Variants in ACOT13 observed in about 807,000 individuals in gnomAD.
ACOT13 encodes the protein acyl-coenzyme A thioesterase 13.
Under a neutral mutation model 11.8 loss-of-function variants are expected in ACOT13, and 10 were observed. The observed-to-expected ratio is 0.85, with a 90% CI of 0.53 to 1.44. The LOEUF (loss-of-function observed/expected upper bound fraction) is 1.44. ACOT13 is among the 40% of genes most tolerant of loss of function. The pLI is 0.00. For synonymous variants in ACOT13, 53 were observed against 61.0 expected, an observed-to-expected ratio of 0.87 and a Z score of 0.61; for missense variants, 172 against 174.1, an observed-to-expected ratio of 0.99 and a Z score of 0.07.
intron 1 of ACOT13, among the ~76,000 whole-genome samples, chr6:24,682,699 C>T (rs1037243599): frequency 2.6e-5 from 4 of 150,966 alleles, no homozygotes; most frequent in Admixed American, 6.6e-5. Flanking sequence ...GGCGGGTCTG[C>T]GATGGCGGCA....
At position 24,703,379 on chromosome 6, in the gene ACOT13, C is replaced by G. The variant is rs1778928567; in HGVS notation, c.*1764C>G. The G allele has an allele frequency of 6.6e-6, 1 of 151,920 alleles. No individual in the cohort carries two copies. The highest frequency in any genetic ancestry group is 1.5e-5 in the Non-Finnish European group (1 of 67,940). 9.4% of individuals were successfully genotyped at this position (151,920 alleles called of 1,614,324 possible). ...TAGCAGCAGTGAGCATACAGGAGTC[C>G]CAGATGTTTACTTCTAGTATTTCCC... is the stretch of plus-strand genomic sequence containing the variant. On this transcript the variant is annotated 3_prime_UTR_variant, in exon 3 of 3. Coordinates refer to ENST00000230048, the MANE Select transcript of ACOT13 (RefSeq NM_018473.4).
At chr6:24,695,170 A>C (rs1165573870) in intron 1 of ACOT13, among the ~76,000 whole-genome samples, 1 of 152,080 alleles carries the variant, frequency 6.6e-6, no homozygotes, top group Admixed American at 6.6e-5. Flanking sequence ...TTAGCCAGGC[A>C]TGGTGGCACG....
At chr6:24,698,900 G>A (rs1344611976) in intron 2 of ACOT13, among the ~76,000 whole-genome samples, 1 of 152,098 alleles carries the variant, frequency 6.6e-6, no homozygotes, top group Non-Finnish European at 1.5e-5. Context: ...GCCTCCCAAA[G>A]TGTTGAGTTT....
chr6:24,691,286 C>T (rs1360157428), intron 1 of ACOT13, among the ~76,000 whole-genome samples: 1 of 152,144 alleles, frequency 6.6e-6, no homozygotes, highest in African/African-American at 2.4e-5. Context: ...CTTACTGAGC[C>T]AGAGACATAC....
Position 24,703,965 on chromosome 6 carries a change from G to C in ACOT13, c.*2350G>C, listed in dbSNP as rs1778942563. 1 of 152,152 alleles carries C rather than the reference G, an allele frequency of 6.6e-6. No homozygotes were observed. Among genetic ancestry groups the C allele is most frequent in the African/African-American group, 2.4e-5 (1 of 41,434 alleles). The allele number at this position is 152,152 out of a possible 1,614,324, so 9.4% of individuals were successfully genotyped here. On this transcript the variant is annotated 3_prime_UTR_variant, in exon 3 of 3. Coordinates refer to ENST00000230048, the MANE Select transcript of ACOT13 (RefSeq NM_018473.4). ...AGGTCATGGAACACATAAAGGCTAAGGAACTGTTCCACATTAAAGACAACT... is the reference window on the plus strand; with the variant it reads ...AGGTCATGGAACACATAAAGGCTAACGAACTGTTCCACATTAAAGACAACT...
chr6:24,676,078 T>C (rs1308841193), intron 1 of ACOT13, among the ~76,000 whole-genome samples: 2 of 152,254 alleles, frequency 1.3e-5, no homozygotes, highest in South Asian at 2.1e-4. Flanking sequence ...GTTCCATTGG[T>C]CTATATCTCT....
At chr6:24,692,944 GGT>G (rs1174258754) in intron 1 of ACOT13, among the ~76,000 whole-genome samples, 69 of 152,286 alleles carry the variant, frequency 4.5e-4, no homozygotes, top group African/African-American at 1.6e-3. Context: ...GTTGAACCAT[GGT>G]ACTTTTATAG....
chr6:24,688,226 A>G (rs1778665144), intron 1 of ACOT13, among the ~76,000 whole-genome samples: 1 of 152,084 alleles, frequency 6.6e-6, no homozygotes, highest in Non-Finnish European at 1.5e-5. Flanking sequence ...AATTTGTTGC[A>G]GCATTATTTG....
chr6:24,701,353 C>G (rs1434530939), intron 2 of ACOT13, 106 bp from the exon 3 acceptor site: 11 of 1,024,148 alleles, frequency 1.1e-5, no homozygotes, highest in Admixed American at 8.4e-5. Flanking sequence ...ACCGTTAAAA[C>G]TATTTTTAGG....
At chr6:24,669,018 C>G (rs1778312751) in intron 1 of ACOT13, among the ~76,000 whole-genome samples, 2 of 152,196 alleles carry the variant, frequency 1.3e-5, no homozygotes, top group South Asian at 4.1e-4. Context: ...GGTTCCCTGC[C>G]TCCAGATCCG....
intron 1 of ACOT13, among the ~76,000 whole-genome samples, chr6:24,692,563 A>G (rs925444167): frequency 9.2e-5 from 14 of 151,926 alleles, no homozygotes; most frequent in Non-Finnish European, 5.9e-5. Flanking sequence ...GACTGCAGGC[A>G]CATGCCACCA....
In ACOT13 at chr6:24,701,745, C is replaced by T. The variant is rs557689899; in HGVS notation, c.*130C>T. 5.9e-5 allele frequency: 57 copies of T among 964,290 alleles called. No individual in the cohort carries two copies. The highest frequency in any genetic ancestry group is 1.8e-4 in the African/African-American group (11 of 60,092). 59.7% of individuals were successfully genotyped at this position (964,290 alleles called of 1,614,324 possible). Reference sequence around the variant, plus strand: ...TAGAAATATTCTTGGAGGAAAAGGACCTGGATATCAAGTAGGGTAAAGGTG... The same window carrying T: ...TAGAAATATTCTTGGAGGAAAAGGATCTGGATATCAAGTAGGGTAAAGGTG... On this transcript the variant is annotated 3_prime_UTR_variant, in exon 3 of 3. Transcript: ENST00000230048.
At chr6:24,678,139 T>C (rs1778487089) in intron 1 of ACOT13, among the ~76,000 whole-genome samples, 1 of 152,160 alleles carries the variant, frequency 6.6e-6, no homozygotes, top group Non-Finnish European at 1.5e-5. Context: ...GCTTGAACCC[T>C]TGGGGTAAAA....
intron 2 of ACOT13, among the ~76,000 whole-genome samples, chr6:24,700,319 A>G (rs963725899): frequency 4.6e-5 from 7 of 152,200 alleles, no homozygotes; most frequent in African/African-American, 1.4e-4. Context: ...ATTTAGGGAA[A>G]TAATAAAAAC....
chr6:24,667,349 G>A lies in ACOT13; in HGVS notation c.81+5G>A. The stretch of plus-strand genomic sequence containing the variant: ...TTTGAGAGAGTTTTGGGAAAGGTAT[G>A]GGAAAGGTAGGGGAGAAGCCGTGGC... On this transcript the variant is annotated splice_donor_5th_base_variant and intron_variant, in intron 1 of 2. Transcript: ENST00000230048. The A allele has an allele frequency of 6.2e-7, 1 of 1,613,754 alleles. No homozygotes were observed. Among genetic ancestry groups the A allele is most frequent in the Non-Finnish European group, 8.5e-7 (1 of 1,179,846 alleles).
At chr6:24,694,448 T>C (rs769718112) in intron 1 of ACOT13, among the ~76,000 whole-genome samples, 3 of 152,212 alleles carry the variant, frequency 2.0e-5, no homozygotes, top group Admixed American at 6.5e-5. Context: ...ATGGAGACAA[T>C]AGTATTCACT....
rs781683053 is a variant in ACOT13 at position 24,667,347 on chromosome 6, A to G, written c.81+3A>G. 3 of 1,613,726 alleles carry G rather than the reference A, an allele frequency of 1.9e-6. No homozygotes were observed. The highest frequency in any genetic ancestry group is 2.7e-5 in the African/African-American group (2 of 74,934). On this transcript the variant is annotated splice_donor_region_variant and intron_variant, in intron 1 of 2. Transcript: ENST00000230048. The stretch of plus-strand genomic sequence containing the variant: ...ATTTTGAGAGAGTTTTGGGAAAGGT[A>G]TGGGAAAGGTAGGGGAGAAGCCGTG...
intron 1 of ACOT13, among the ~76,000 whole-genome samples, chr6:24,679,823 C>T (rs1778517979): frequency 6.6e-6 from 1 of 152,294 alleles, no homozygotes; most frequent in Middle Eastern, 3.4e-3. Context: ...ATTGTCCTAA[C>T]CCTTATAAAA....
chr6:24,669,262 A>G (rs957816778), intron 1 of ACOT13, among the ~76,000 whole-genome samples: 1 of 152,214 alleles, frequency 6.6e-6, no homozygotes, highest in African/African-American at 2.4e-5. Context: ...ACATCAATCA[A>G]TATATGTAAA....
Sources: allele counts gnomAD v4.1 joint callset (sites outside exome capture counted in the v4.1 genomes callset), GRCh38; gene constraint gnomAD v4.1.1; transcripts MANE v1.5; gene names NCBI Gene and HGNC (gene_info 2026-07-23, HGNC 2026-07-21).